PCDH15: variants seen among roughly 807,000 people sequenced by gnomAD.
PCDH15 encodes protocadherin-15.
In PCDH15, 129 loss-of-function variants were observed where a neutral mutation model predicts 178.5. The ratio of observed to expected loss-of-function variants is 0.72; its 90% CI spans 0.63 to 0.84. PCDH15 has a LOEUF of 0.84. Among genes scored for constraint, PCDH15 ranks in the 40% least tolerant of loss-of-function variants. The probability of loss-of-function intolerance (pLI) is 0.00; values close to 1 mark genes in which losing one functional copy is unlikely to be tolerated. For synonymous variants in PCDH15, 800 were observed against 732.0 expected (o/e 1.09, Z -1.50); for missense variants, 2,230 against 2,099.9 (o/e 1.06, Z -1.21).
intron 2 of PCDH15, among the ~76,000 whole-genome samples, chr10:55,095,370 G>A (rs1842424054): frequency 6.6e-6 from 1 of 151,850 alleles, no homozygotes; most frequent in African/African-American, 2.4e-5. Context: ...TTGAGGAAAA[G>A]TTTCAATATC....
chr10:54,236,207 CA>C (rs2054610236), intron 9 of PCDH15, among the ~76,000 whole-genome samples: 2 of 152,242 alleles, frequency 1.3e-5, no homozygotes, highest in Middle Eastern at 3.4e-3. Flanking sequence ...CATATTTCAG[CA>C]AAAGCAATCT....
chr10:54,125,424 T>C (rs2041909336), intron 15 of PCDH15, among the ~76,000 whole-genome samples: 1 of 152,194 alleles, frequency 6.6e-6, no homozygotes, highest in Non-Finnish European at 1.5e-5. Context: ...TATTTTACTT[T>C]TGTTAAGAAT....
At chr10:54,051,842 A>G (rs1263225246) in intron 18 of PCDH15, among the ~76,000 whole-genome samples, 1 of 152,078 alleles carries the variant, frequency 6.6e-6, no homozygotes, top group Non-Finnish European at 1.5e-5. Context: ...TTTATGGGTC[A>G]GGTCCAGGGC....
At chr10:55,024,070 CACTCATATAT>C (rs1412648279) in intron 2 of PCDH15, among the ~76,000 whole-genome samples, 1 of 54,300 alleles carries the variant, frequency 1.8e-5, no homozygotes, top group African/African-American at 7.6e-5. Context: ...TGTGTACACA[CACTCATATAT>C]ATATATATAT....
chr10:55,622,081 T>C (rs907375890), intron 2 of PCDH15, among the ~76,000 whole-genome samples: 1 of 121,180 alleles, frequency 8.3e-6, no homozygotes, highest in Non-Finnish European at 1.7e-5. Context: ...ATAATATATA[T>C]AAATTATATA....
At chr10:55,019,044 T>C (rs1840258646) in intron 2 of PCDH15, among the ~76,000 whole-genome samples, 1 of 152,130 alleles carries the variant, frequency 6.6e-6, no homozygotes, top group South Asian at 2.1e-4. Flanking sequence ...TATTCAAAAC[T>C]ATCTTATTTT....
intron 2 of PCDH15, among the ~76,000 whole-genome samples, chr10:54,607,450 C>CAGA (rs149255764): frequency 0.013 from 1,928 of 151,958 alleles, 44 homozygotes; most frequent in African/African-American, 0.044. Flanking sequence ...TAAAGAATGG[C>CAGA]AGTAGACTAG....
rs200242132 is a variant in PCDH15 at position 54,656,533 on chromosome 10, T to G, written c.91+7639A>C. The stretch of plus-strand genomic sequence containing the variant: ...CACTCTTCTCAGGCCTGAACTGAGA[T>G]GTCAAGTGCCGTACTAGTTGTGTAC... On this transcript the variant is annotated intron_variant, in intron 2 of 37. Transcript: ENST00000644397. Among the ~76,000 whole-genome samples the G allele has an allele frequency of 5.8e-4, 89 of 152,282 alleles. No individual in the cohort carries two copies. In the East Asian group the frequency reaches 6.0e-3, roughly 10 times the overall value.
At chr10:54,830,938 T>C (rs1191497670) in intron 3 of PCDH15, among the ~76,000 whole-genome samples, 1 of 151,968 alleles carries the variant, frequency 6.6e-6, no homozygotes, top group Non-Finnish European at 1.5e-5. Context: ...AAGAACTTCA[T>C]AATGGAACAG....
chr10:55,544,137 TACA>T (rs1250352698), intron 2 of PCDH15, among the ~76,000 whole-genome samples: 2 of 51,736 alleles, frequency 3.9e-5, no homozygotes, highest in African/African-American at 1.2e-4. Context: ...ATCTTATACA[TACA>T]TATATATATA....
intron 2 of PCDH15, among the ~76,000 whole-genome samples, chr10:55,472,632 G>T (rs181811693): frequency 5.9e-5 from 9 of 152,154 alleles, no homozygotes; most frequent in Admixed American, 2.0e-4. Flanking sequence ...GCAGTGGCGC[G>T]GTCTGCGCTA....
chr10:55,044,920 C>T (rs553438851), intron 2 of PCDH15, among the ~76,000 whole-genome samples: 2 of 152,066 alleles, frequency 1.3e-5, no homozygotes, highest in Non-Finnish European at 2.9e-5. Context: ...CCAACCTTAT[C>T]AGTGTCTAGC....
At chr10:54,101,245 C>G (rs2094806569) in intron 15 of PCDH15, among the ~76,000 whole-genome samples, 1 of 152,172 alleles carries the variant, frequency 6.6e-6, no homozygotes, top group Non-Finnish European at 1.5e-5. Context: ...TGAAGCCTCC[C>G]CAGCTACATG....
intron 32 of PCDH15, chr10:53,822,699 G>T (rs1362820875): frequency 6.2e-7 from 1 of 1,614,094 alleles, no homozygotes; most frequent in Non-Finnish European, 8.5e-7. Flanking sequence ...TCTTGAAACA[G>T]TTGGCAAAGT....
intron 8 of PCDH15, among the ~76,000 whole-genome samples, chr10:54,298,340 C>G (rs772030819): frequency 2.6e-5 from 4 of 152,148 alleles, no homozygotes; most frequent in Non-Finnish European, 4.4e-5. Flanking sequence ...ACCTGGCAAC[C>G]TTGGTGTTCT....
intron 18 of PCDH15, among the ~76,000 whole-genome samples, chr10:54,047,864 C>G (rs2093687624): frequency 6.6e-6 from 1 of 152,092 alleles, no homozygotes; most frequent in South Asian, 2.1e-4. Flanking sequence ...GTAGGTAGTG[C>G]TGTCATGAAA....
intron 2 of PCDH15, among the ~76,000 whole-genome samples, chr10:55,499,715 A>G (rs1222020494): frequency 1.3e-5 from 2 of 151,760 alleles, no homozygotes; most frequent in African/African-American, 4.8e-5. Context: ...TGTCTGTTCA[A>G]TTTGCAATGT....
chr10:55,257,555 C>T (rs1199989784), intron 1 of PCDH15, among the ~76,000 whole-genome samples: 1 of 152,134 alleles, frequency 6.6e-6, no homozygotes, highest in Middle Eastern at 3.2e-3. Context: ...AAAACTACGG[C>T]ACGAGAACTA....
At chr10:54,114,026 C>T (rs1383578201) in intron 15 of PCDH15, among the ~76,000 whole-genome samples, 5 of 152,118 alleles carry the variant, frequency 3.3e-5, no homozygotes, top group Non-Finnish European at 4.4e-5. Flanking sequence ...AGGAAAATCT[C>T]GCCCACATGA....
Sources: allele counts gnomAD v4.1 joint callset (sites outside exome capture counted in the v4.1 genomes callset), GRCh38; gene constraint gnomAD v4.1.1; transcripts MANE v1.5; gene names NCBI Gene and HGNC (gene_info 2026-07-23, HGNC 2026-07-21).